The following PDE1A variants were observed in gnomAD, a reference collection of about 807,000 sequenced individuals.
The protein encoded by PDE1A is phosphodiesterase 1A, also known as dual specificity calcium/calmodulin-dependent 3',5'-cyclic nucleotide phosphodiesterase 1A.
A neutral mutation model predicts 61.7 loss-of-function variants in PDE1A; 35 were observed. The ratio of observed to expected loss-of-function variants is 0.57; its 90% CI spans 0.43 to 0.75. The LOEUF (loss-of-function observed/expected upper bound fraction) is 0.75. Ranked by LOEUF, PDE1A falls within the 30% of genes least tolerant of loss-of-function variation. The pLI is 0.00. For synonymous variants in PDE1A, 232 were observed against 213.2 expected (o/e 1.09, Z -0.77); for missense variants, 597 against 630.6 (o/e 0.95, Z 0.57).
intron 4 of PDE1A, among the ~76,000 whole-genome samples, chr2:182,231,894 G>A (rs915613103): frequency 2.0e-5 from 3 of 152,076 alleles, no homozygotes; most frequent in African/African-American, 7.2e-5. Flanking sequence ...CAGCCTGGGT[G>A]ACAGAGTGAG....
intron 13 of PDE1A, among the ~76,000 whole-genome samples, chr2:182,150,702 C>T (rs534599709): frequency 6.6e-6 from 1 of 152,252 alleles, no homozygotes; most frequent in South Asian, 2.1e-4. Flanking sequence ...AGTCTCAATT[C>T]TTCAAGGAGC....
chr2:182,486,747 C>T (rs1043139391), intron 2 of PDE1A, among the ~76,000 whole-genome samples: 3 of 152,032 alleles, frequency 2.0e-5, no homozygotes, highest in Non-Finnish European at 2.9e-5. Flanking sequence ...ATATGACTTT[C>T]GGCCCTTACC....
the PDE1A span, among the ~76,000 whole-genome samples, chr2:182,714,392 G>C: frequency 6.6e-6 from 1 of 151,738 alleles, no homozygotes; most frequent in Non-Finnish European, 1.5e-5. Flanking sequence ...TTTTATGCAG[G>C]GTATATTCAC....
At chr2:182,610,154 C>T in the PDE1A span, among the ~76,000 whole-genome samples, 1 of 152,006 alleles carries the variant, frequency 6.6e-6, no homozygotes. Flanking sequence ...ATAGGCCTTG[C>T]TGGGTTTCCC....
intron 2 of PDE1A, among the ~76,000 whole-genome samples, chr2:182,487,537 C>A (rs1437168328): frequency 6.6e-6 from 1 of 152,058 alleles, no homozygotes; most frequent in African/African-American, 2.4e-5. Context: ...AATATGACAT[C>A]TATAAAATTG....
At chr2:182,652,081 A>C in the PDE1A span, among the ~76,000 whole-genome samples, 74 of 152,354 alleles carry the variant, frequency 4.9e-4, no homozygotes, top group African/African-American at 1.6e-3. Context: ...ATAGCAATGC[A>C]TATAAGGTAT....
chr2:182,300,416 C>T (rs555624048), intron 1 of PDE1A, among the ~76,000 whole-genome samples: 1 of 152,184 alleles, frequency 6.6e-6, no homozygotes, highest in African/African-American at 2.4e-5. Context: ...GTTGGGAGTT[C>T]AAAGCTCTGT....
the PDE1A span, among the ~76,000 whole-genome samples, chr2:182,530,553 GAA>G: frequency 6.6e-6 from 1 of 152,034 alleles, no homozygotes; most frequent in Non-Finnish European, 1.5e-5. Context: ...TACCTATAGA[GAA>G]AAAACATTTA....
upstream of PDE1A, among the ~76,000 whole-genome samples, chr2:182,428,893 T>C (rs986262354): frequency 6.6e-6 from 1 of 152,102 alleles, no homozygotes; most frequent in Non-Finnish European, 1.5e-5. Context: ...ATGAACACAA[T>C]GGAGGGAACT....
At chr2:182,686,750 C>T in the PDE1A span, among the ~76,000 whole-genome samples, 11 of 152,216 alleles carry the variant, frequency 7.2e-5, no homozygotes, top group African/African-American at 1.4e-4. Flanking sequence ...ACCCGGGAAA[C>T]GCAAGGGCTC....
chr2:182,270,962 A>G (rs756956692), intron 1 of PDE1A, among the ~76,000 whole-genome samples: 32 of 151,938 alleles, frequency 2.1e-4, no homozygotes, highest in Non-Finnish European at 4.3e-4. Flanking sequence ...ATGGACGTAA[A>G]GACTTTTCCA....
intron 1 of PDE1A, among the ~76,000 whole-genome samples, chr2:182,283,949 T>C (rs1175828548): frequency 2.0e-5 from 3 of 152,074 alleles, no homozygotes; most frequent in African/African-American, 7.2e-5. Context: ...TATTGCCACT[T>C]AGGATTTCTA....
intron 2 of PDE1A, among the ~76,000 whole-genome samples, chr2:182,507,712 T>C (rs1423800272): frequency 6.6e-6 from 1 of 152,134 alleles, no homozygotes; most frequent in Non-Finnish European, 1.5e-5. Context: ...AATAAATAAA[T>C]CATATCTTTG....
the PDE1A span, among the ~76,000 whole-genome samples, chr2:182,598,804 T>C: frequency 2.6e-5 from 4 of 152,188 alleles, no homozygotes; most frequent in African/African-American, 9.7e-5. Flanking sequence ...ACAGTTACTA[T>C]TACTGCGTAA....
At chr2:182,474,845 G>A (rs1049080737) in intron 2 of PDE1A, among the ~76,000 whole-genome samples, 4 of 151,772 alleles carry the variant, frequency 2.6e-5, no homozygotes, top group African/African-American at 9.7e-5. Flanking sequence ...AGACAACATA[G>A]AATTCCAACA....
chr2:182,319,295 A>G (rs1696553780), intron 1 of PDE1A, among the ~76,000 whole-genome samples: 1 of 152,160 alleles, frequency 6.6e-6, no homozygotes, highest in African/African-American at 2.4e-5. Context: ...TTAAACCAAC[A>G]CTGTTAACTT....
the PDE1A span, among the ~76,000 whole-genome samples, chr2:182,563,383 T>A: frequency 2.0e-5 from 3 of 152,200 alleles, no homozygotes; most frequent in African/African-American, 7.2e-5. Context: ...AGTTTCTTAA[T>A]CCTGAGTTCT....
intron 10 of PDE1A, among the ~76,000 whole-genome samples, chr2:182,199,676 A>G (rs1383340940): frequency 6.6e-6 from 1 of 152,130 alleles, no homozygotes; most frequent in Non-Finnish European, 1.5e-5. Flanking sequence ...CATAATAAGC[A>G]GTTGACCTTT....
the PDE1A span, among the ~76,000 whole-genome samples, chr2:182,626,300 C>A: frequency 6.6e-6 from 1 of 152,074 alleles, no homozygotes; most frequent in Non-Finnish European, 1.5e-5. Context: ...CAGAATAACA[C>A]TCAATTGAAT....
Sources: allele counts gnomAD v4.1 joint callset (sites outside exome capture counted in the v4.1 genomes callset), GRCh38; gene constraint gnomAD v4.1.1; transcripts MANE v1.5; gene names NCBI Gene and HGNC (gene_info 2026-07-23, HGNC 2026-07-21).